The following RCBTB1 variants were observed in gnomAD, a reference collection of about 807,000 sequenced individuals.
The protein encoded by RCBTB1 is RCC1 and BTB domain containing protein 1.
Under a neutral mutation model 62.4 loss-of-function variants are expected in RCBTB1, and 46 were observed. That is an observed-to-expected ratio of 0.74 (90% CI 0.58 to 0.94). The LOEUF (loss-of-function observed/expected upper bound fraction) is 0.94, where lower values mean the gene tolerates loss of function less well. Ranked by LOEUF, RCBTB1 falls within the 40% of genes least tolerant of loss-of-function variation. The pLI is 0.00. For missense variants in RCBTB1, 565 were observed against 654.9 expected (o/e 0.86, Z 1.50); for synonymous variants, 222 against 245.8 (o/e 0.90, Z 0.91).
At chr13:49,583,166 C>A (rs1964204122) in intron 1 of RCBTB1, among the ~76,000 whole-genome samples, 1 of 151,852 alleles carries the variant, frequency 6.6e-6, no homozygotes, top group African/African-American at 2.4e-5. Context: ...CATAGTGAGA[C>A]CCTGTCTCAA....
In RCBTB1 at chr13:49,532,549, C is replaced by T. The variant is rs921651375; in HGVS notation, c.*1573G>A. 1.3e-5 allele frequency: 2 copies of T among 152,408 alleles called. No homozygotes were observed. The highest frequency in any genetic ancestry group is 2.4e-5 in the African/African-American group (1 of 41,368). The allele number at this position is 152,408 out of a possible 1,614,324, so 9.4% of individuals were successfully genotyped here. ...ATCATGTTGTAGAACGAATTCTAAC[C>T]GACTAATTCACTGGGCTTCAATCAC... is the stretch of plus-strand genomic sequence containing the variant. On this transcript the variant is annotated 3_prime_UTR_variant, in exon 13 of 13. Coordinates refer to ENST00000378302, the MANE Select transcript of RCBTB1 (RefSeq NM_018191.4).
At chr13:49,541,040 T>C (rs765072238) in intron 11 of RCBTB1, 34 bp from the exon 12 acceptor site, 1 of 1,589,732 alleles carries the variant, frequency 6.3e-7, no homozygotes, top group Non-Finnish European at 8.6e-7. Flanking sequence ...TTTAATCAAA[T>C]GTATAATAAT....
intron 8 of RCBTB1, among the ~76,000 whole-genome samples, chr13:49,550,790 T>C (rs568770766): frequency 3.3e-5 from 5 of 152,258 alleles, no homozygotes; most frequent in African/African-American, 1.2e-4. Context: ...ATGTTCATTC[T>C]GGCTACTACT....
intron 8 of RCBTB1, 118 bp downstream of exon 8, chr13:49,551,208 C>T: frequency 1.6e-6 from 2 of 1,232,692 alleles, no homozygotes; most frequent in Non-Finnish European, 2.3e-6. Flanking sequence ...TCTCTTTTGT[C>T]CAAAATGAGA....
rs201873611 is a variant in RCBTB1, at chr13:49,575,656, CAT to C, written c.-42+4847_-42+4848del. Among the ~76,000 whole-genome samples, 715 of 151,994 alleles carry C rather than the reference CAT, an allele frequency of 4.7e-3. 5 individuals carry two copies. Among genetic ancestry groups the C allele is most frequent in the African/African-American group, 0.016 (683 of 41,484 alleles). The stretch of plus-strand genomic sequence containing the variant: ...CACAGGAACAGAAAACCAAATACCA[CAT>C]GTTGTCACTTAGAAATGGGAACTAA... On this transcript the variant is annotated intron_variant, in intron 2 of 12. Transcript: ENST00000378302.
At chr13:49,558,426 C>CT (rs374048247) in intron 5 of RCBTB1, among the ~76,000 whole-genome samples, 332 of 152,184 alleles carry the variant, frequency 2.2e-3, no homozygotes, top group African/African-American at 7.5e-3. Context: ...GTCATGGTGG[C>CT]TATGCCTGTA....
In RCBTB1 at chr13:49,551,769, G is replaced by A. The variant is rs367651925; in HGVS notation, c.712-301C>T. Among the ~76,000 whole-genome samples the A allele has an allele frequency of 5.5e-4, 84 of 151,984 alleles. 2 individuals carry two copies. In the East Asian group the frequency reaches 0.011, roughly 20 times the overall value. On this transcript the variant is annotated intron_variant, in intron 7 of 12. Transcript: ENST00000378302. Reference sequence around the variant, plus strand: ...CAAAAAATTAGCCAGGTGTGGTGGCGGCCATCTGTAGTCCCAGCTACTCGG... The same window carrying A: ...CAAAAAATTAGCCAGGTGTGGTGGCAGCCATCTGTAGTCCCAGCTACTCGG...
intron 2 of RCBTB1, among the ~76,000 whole-genome samples, chr13:49,578,191 A>G (rs187798224): frequency 7.6e-4 from 116 of 152,342 alleles, no homozygotes; most frequent in Non-Finnish European, 1.2e-3. Flanking sequence ...ATTTGCACAT[A>G]ACCTACACAC....
At chr13:49,538,945 G>GT (rs1960135455) in intron 12 of RCBTB1, among the ~76,000 whole-genome samples, 1 of 150,492 alleles carries the variant, frequency 6.6e-6, no homozygotes, top group African/African-American at 2.4e-5. Flanking sequence ...GAGTGCAGTG[G>GT]TACAACTTCT....
chr13:49,583,246 G>A (rs1477628609), intron 1 of RCBTB1, among the ~76,000 whole-genome samples: 1 of 152,088 alleles, frequency 6.6e-6, no homozygotes, highest in Non-Finnish European at 1.5e-5. Context: ...AGGGAGGATG[G>A]GAAAGAGCAC....
chr13:49,551,177 G>T, intron 8 of RCBTB1, 149 bp downstream of exon 8: 1 of 804,314 alleles, frequency 1.2e-6, no homozygotes, highest in South Asian at 1.9e-5. Flanking sequence ...GGAGGAAGGG[G>T]GAAGGGAGAA....
Position 49,555,662 on chromosome 13 carries a change from C to T in RCBTB1, c.456G>A (p.Trp152Ter). ...ALAADGEVFA[W>*]GYNNCGQVGS... ...CCACTTGGCCACAGTTGTTATAACC[C>T]CAAGCAAACACCTACAAGAGAAAGA... The change falls in exon 6 of 13, where the codon TGG (tryptophan) becomes TGA (stop). Residue 152 changes from tryptophan (W) to a stop codon, truncating the protein, a stop_gained. Coordinates refer to ENST00000378302, the MANE Select transcript of RCBTB1 (RefSeq NM_018191.4). LOFTEE classifies it high-confidence loss of function. The T allele has an allele frequency of 6.3e-7, 1 of 1,586,898 alleles. No homozygotes were observed. The highest frequency in any genetic ancestry group is 8.6e-7 in the Non-Finnish European group (1 of 1,166,296).
chr13:49,543,171 G>A (rs1340684744), intron 10 of RCBTB1, among the ~76,000 whole-genome samples: 1 of 152,122 alleles, frequency 6.6e-6, no homozygotes, highest in African/African-American at 2.4e-5. Flanking sequence ...GGCTGAAGCT[G>A]GAAGATCGCT....
intron 1 of RCBTB1, among the ~76,000 whole-genome samples, chr13:49,583,538 C>T (rs1448044850): frequency 1.3e-5 from 2 of 152,016 alleles, no homozygotes; most frequent in East Asian, 1.9e-4. Flanking sequence ...TTCTTCAGCA[C>T]GTACACAACA....
At chr13:49,547,084 A>T in intron 9 of RCBTB1, 1 of 1,281,580 alleles carries the variant, frequency 7.8e-7, no homozygotes, top group Non-Finnish European at 1.0e-6. Flanking sequence ...TGTGTACAGA[A>T]GTGCTTCAGC....
chr13:49,574,131 G>A (rs748379406), intron 2 of RCBTB1, among the ~76,000 whole-genome samples: 3 of 142,880 alleles, frequency 2.1e-5, no homozygotes, highest in Non-Finnish European at 3.0e-5. Flanking sequence ...TTTTGGGGGT[G>A]GGGGGTGGAC....
chr13:49,547,459 C>T (rs902113218), intron 9 of RCBTB1, among the ~76,000 whole-genome samples: 1 of 152,164 alleles, frequency 6.6e-6, no homozygotes, highest in Non-Finnish European at 1.5e-5. Flanking sequence ...CCCACTTATT[C>T]CCTCTGCTTA....
At position 49,549,472 on chromosome 13, in the gene RCBTB1, C is replaced by T. The variant is rs767930306; in HGVS notation, c.1031G>A (p.Arg344His). ...CACTTTCTTACCCACAGACAGGAGG[C>T]GCCACGAGACGGCGGGAGTGGCAAA... is the stretch of plus-strand genomic sequence containing the variant. ...ACFATPAVSWRLLSVEHEDFL... is the reference protein window; with the variant it reads ...ACFATPAVSWHLLSVEHEDFL... The change falls in exon 9 of 13, where the codon CGC becomes CAC. Residue 344 changes from arginine (R) to histidine (H), a missense_variant. Coordinates refer to ENST00000378302, the MANE Select transcript of RCBTB1 (RefSeq NM_018191.4). 1.4e-5 allele frequency: 22 copies of T among 1,609,448 alleles called. No individual in the cohort carries two copies. The highest frequency in any genetic ancestry group is 1.8e-5 in the Non-Finnish European group (21 of 1,176,852).
chr13:49,543,049 G>C (rs1960508886), intron 10 of RCBTB1, among the ~76,000 whole-genome samples: 2 of 152,186 alleles, frequency 1.3e-5, no homozygotes, highest in South Asian at 4.1e-4. Flanking sequence ...AATCACCTGA[G>C]GTCAGGAGTT....
Sources: allele counts gnomAD v4.1 joint callset (sites outside exome capture counted in the v4.1 genomes callset), GRCh38; gene constraint gnomAD v4.1.1; transcripts MANE v1.5; gene names NCBI Gene and HGNC (gene_info 2026-07-23, HGNC 2026-07-21).